SMR3B: variants seen among roughly 807,000 people sequenced by gnomAD.
SMR3B encodes the protein submaxillary gland androgen-regulated protein 3B.
For missense variants in SMR3B, 114 were observed against 99.9 expected (o/e 1.14, Z -0.60); for synonymous variants, 42 against 36.1 (o/e 1.16, Z -0.59).
At chr4:70,385,431 TC>T (rs1732643437) in intron 2 of SMR3B, among the ~76,000 whole-genome samples, 1 of 78,770 alleles carries the variant, frequency 1.3e-5, no homozygotes, top group African/African-American at 7.5e-5. Context: ...TGAAACAGAC[TC>T]TCGCTCTGTC....
chr4:70,384,025 T>TC (rs60877190), intron 1 of SMR3B, among the ~76,000 whole-genome samples: 1 of 151,646 alleles, frequency 6.6e-6, no homozygotes, highest in Non-Finnish European at 1.5e-5. Context: ...CTTTTTTTTT[T>TC]CCTTATTTTT....
intron 2 of SMR3B, among the ~76,000 whole-genome samples, chr4:70,389,220 G>T (rs1319848061): frequency 6.6e-6 from 1 of 152,158 alleles, no homozygotes; most frequent in African/African-American, 2.4e-5. Context: ...TCACAAGGCT[G>T]AAAAGGTGTG....
chr4:70,384,491 T>G lies in SMR3B; in HGVS notation c.-14-6T>G. The G allele has an allele frequency of 3.1e-6, 5 of 1,598,264 alleles. No individual in the cohort carries two copies. The highest frequency in any genetic ancestry group is 2.2e-5 in the East Asian group (1 of 44,668). On this transcript the variant is annotated splice_region_variant and splice_polypyrimidine_tract_variant and intron_variant, in intron 1 of 2. Coordinates refer to ENST00000304915, the MANE Select transcript of SMR3B (RefSeq NM_006685.4). ...CATACTGATCACCTATTGTGCTTACTTTCAGAGGCAACTGAAAGGATGAAA... is the reference window on the plus strand; with the variant it reads ...CATACTGATCACCTATTGTGCTTACGTTCAGAGGCAACTGAAAGGATGAAA...
Position 70,389,733 on chromosome 4 carries a change from G to A in SMR3B, c.125G>A (p.Gly42Asp). 1.9e-6 allele frequency: 3 copies of A among 1,613,860 alleles called. No individual in the cohort carries two copies. The highest frequency in any genetic ancestry group is 2.5e-6 in the Non-Finnish European group (3 of 1,179,974). The change falls in exon 3 of 3, where the codon GGC becomes GAC. Residue 42 changes from glycine (G) to aspartate (D), a missense_variant. Coordinates refer to ENST00000304915, the MANE Select transcript of SMR3B (RefSeq NM_006685.4). ...PGPLAPPQPF[G>D]PGFVPPPPPP... ...CCGCTGGCTCCTCCTCAACCTTTTG[G>A]CCCAGGATTTGTTCCACCACCTCCT...
At chr4:70,385,430 C>G (rs1251848923) in intron 2 of SMR3B, among the ~76,000 whole-genome samples, 4 of 74,014 alleles carry the variant, frequency 5.4e-5, no homozygotes, top group Admixed American at 1.4e-4. Flanking sequence ...TTGAAACAGA[C>G]TCTCGCTCTG....
intron 2 of SMR3B, among the ~76,000 whole-genome samples, chr4:70,388,570 A>G (rs1344097046): frequency 6.6e-6 from 1 of 152,236 alleles, no homozygotes; most frequent in Non-Finnish European, 1.5e-5. Flanking sequence ...ATGAGAAAAA[A>G]GAGACTCAAA....
At chr4:70,385,321 C>G (rs1025661092) in intron 2 of SMR3B, among the ~76,000 whole-genome samples, 2 of 151,122 alleles carry the variant, frequency 1.3e-5, no homozygotes, top group African/African-American at 4.9e-5. Flanking sequence ...TAGATTATGA[C>G]TTCCACAAAT....
At chr4:70,386,518 G>A (rs966735061) in intron 2 of SMR3B, among the ~76,000 whole-genome samples, 1 of 151,920 alleles carries the variant, frequency 6.6e-6, no homozygotes, top group Non-Finnish European at 1.5e-5. Context: ...TAGGTTCAAA[G>A]TATCCGTGTC....
chr4:70,387,457 T>A (rs1412142794), intron 2 of SMR3B, among the ~76,000 whole-genome samples: 4 of 152,160 alleles, frequency 2.6e-5, no homozygotes, highest in Non-Finnish European at 5.9e-5. Context: ...ATAGTTGTTT[T>A]CTGAAGAAAA....
Position 70,390,190 on chromosome 4 carries a change from C to G in SMR3B, c.*342C>G. The G allele has an allele frequency of 1.7e-6, 1 of 591,380 alleles. No individual in the cohort carries two copies. The highest frequency in any genetic ancestry group is 3.0e-5 in the East Asian group (1 of 33,500). The allele number at this position is 591,380 out of a possible 1,614,324, so 36.6% of individuals were successfully genotyped here. A position where few individuals can be genotyped will look rare whatever the true frequency, so the allele number is the denominator to read the frequency against. Reference sequence around the variant, plus strand: ...CTTAGAAAGAAATTGTAGAAAAAACCCATGCAGACATAACATTTATACCAA... The same window carrying G: ...CTTAGAAAGAAATTGTAGAAAAAACGCATGCAGACATAACATTTATACCAA... On this transcript the variant is annotated 3_prime_UTR_variant, in exon 3 of 3. Transcript: ENST00000304915.
chr4:70,385,123 T>TA (rs1314194575), intron 2 of SMR3B: 1 of 152,228 alleles, frequency 6.6e-6, no homozygotes, highest in East Asian at 1.9e-4. Flanking sequence ...AATGAGATAC[T>TA]AAATATCATA....
rs528507520 is a variant in SMR3B, at chr4:70,385,572, T to A, written c.54+1008T>A. 5.3e-5 allele frequency among the ~76,000 whole-genome samples: 8 copies of A among 151,946 alleles called. No individual in the cohort carries two copies. The South Asian group carries it at 1.7e-3, about 32-fold the overall frequency. On this transcript the variant is annotated intron_variant, in intron 2 of 2. Coordinates refer to ENST00000304915, the MANE Select transcript of SMR3B (RefSeq NM_006685.4). ...GCGCCCGCCACCACGGCCGGCTAATTTTTTTGTATTTTTAGTAGAGACGGG... is the reference window on the plus strand; with the variant it reads ...GCGCCCGCCACCACGGCCGGCTAATATTTTTGTATTTTTAGTAGAGACGGG...
At position 70,389,792 on chromosome 4, in the gene SMR3B, C is replaced by T. The variant is rs1732731000; in HGVS notation, c.184C>T (p.Pro62Ser). ...CTATGGTCCAGGGAGAATCCCACCT[C>T]CTCCTCCCGCACCCTATGGTCCAGG... The part of the protein sequence containing the change: ...PPYGPGRIPP[P>S]PPAPYGPGIF... Residue 62 changes from proline to serine, a missense_variant, in exon 3 of 3, where the codon CCT (proline) becomes TCT (serine). Transcript: ENST00000304915. 1 of 1,613,826 alleles carries T rather than the reference C, an allele frequency of 6.2e-7. No homozygotes were observed. Among genetic ancestry groups the T allele is most frequent in the African/African-American group, 1.3e-5 (1 of 74,840 alleles).
At chr4:70,389,190 G>A (rs1355922128) in intron 2 of SMR3B, among the ~76,000 whole-genome samples, 1 of 152,180 alleles carries the variant, frequency 6.6e-6, no homozygotes. Flanking sequence ...ACTTGGCTTA[G>A]TTGGCTTCTC....
intron 2 of SMR3B, among the ~76,000 whole-genome samples, chr4:70,386,572 C>T (rs1732669741): frequency 1.3e-5 from 2 of 152,010 alleles, no homozygotes; most frequent in South Asian, 2.1e-4. Context: ...GAGATTAGTG[C>T]CAATTATAGT....
chr4:70,384,761 G>C, intron 2 of SMR3B, 197 bp downstream of exon 2: 1 of 1,113,572 alleles, frequency 9.0e-7, no homozygotes, highest in Non-Finnish European at 1.2e-6. Flanking sequence ...CTGCCATACT[G>C]GACAGCTCAA....
At position 70,389,958 on chromosome 4, in the gene SMR3B, C is replaced by T; in HGVS notation, c.*110C>T. On this transcript the variant is annotated 3_prime_UTR_variant, in exon 3 of 3. Coordinates refer to ENST00000304915, the MANE Select transcript of SMR3B (RefSeq NM_006685.4). ...CCTGTAAATTCTCCAACTGATCCTACCCTCCCTACTCCTGCACCCCAAATA... is the reference window on the plus strand; with the variant it reads ...CCTGTAAATTCTCCAACTGATCCTATCCTCCCTACTCCTGCACCCCAAATA... The T allele has an allele frequency of 6.3e-7, 1 of 1,587,416 alleles. No individual in the cohort carries two copies.
chr4:70,385,912 A>G (rs1218768368), intron 2 of SMR3B, among the ~76,000 whole-genome samples: 1 of 152,078 alleles, frequency 6.6e-6, no homozygotes, highest in Non-Finnish European at 1.5e-5. Flanking sequence ...CAAAAGAAAA[A>G]CATTTATAAT....
At chr4:70,387,982 A>C (rs1273261457) in intron 2 of SMR3B, among the ~76,000 whole-genome samples, 1 of 152,154 alleles carries the variant, frequency 6.6e-6, no homozygotes, top group Non-Finnish European at 1.5e-5. Flanking sequence ...ATACCAGACA[A>C]ATAGGTGAAG....
Sources: gnomAD v4.1 joint callset for allele counts (sites outside exome capture counted in the v4.1 genomes callset) on GRCh38, gnomAD v4.1.1 for gene constraint, MANE v1.5 for transcripts, NCBI Gene and HGNC (gene_info 2026-07-23, HGNC 2026-07-21) for gene names.